IGHMBP2: variants seen among roughly 807,000 people sequenced by gnomAD.
The protein encoded by IGHMBP2 is DNA-binding protein SMUBP-2.
A neutral mutation model predicts 96.0 loss-of-function variants in IGHMBP2; 81 were observed. The observed-to-expected ratio is 0.84, with a 90% CI of 0.71 to 1.01. The LOEUF (loss-of-function observed/expected upper bound fraction) is 1.01, where lower values mean the gene tolerates loss of function less well. Ranked by LOEUF, IGHMBP2 falls within the 50% of genes least tolerant of loss-of-function variation. The probability of loss-of-function intolerance (pLI) is 0.00; values close to 1 mark genes in which losing one functional copy is unlikely to be tolerated. For synonymous variants in IGHMBP2, 557 were observed against 548.9 expected (o/e 1.01, Z -0.21); for missense variants, 1,227 against 1,306.3 (o/e 0.94, Z 0.94).
At position 68,933,468 on chromosome 11, in the gene IGHMBP2, A is replaced by T; in HGVS notation, c.1405A>T (p.Arg469Trp). ...GQLTAHSSVA[R>W]HLLRDLPGVA... ...GCTCACAGCCCACTCTTCCGTGGCA[A>T]GGCACCTCCTGAGGTGAGTAGCTCG... Residue 469 changes from arginine (R) to tryptophan (W), a missense_variant, in exon 9 of 15, where the codon AGG (arginine) becomes TGG (tryptophan). Transcript: ENST00000255078. 1.2e-6 allele frequency: 2 copies of T among 1,612,490 alleles called. No homozygotes were observed. Among genetic ancestry groups the T allele is most frequent in the Non-Finnish European group, 8.5e-7 (1 of 1,179,640 alleles).
chr11:68,908,026 T>C (rs1858271815), intron 2 of IGHMBP2, 119 bp from the exon 3 acceptor site: 1 of 908,232 alleles, frequency 1.1e-6, no homozygotes. Flanking sequence ...CTGTTACTGA[T>C]TGCATTTACT....
At chr11:68,930,333 C>T in intron 8 of IGHMBP2, 3 of 1,289,824 alleles carry the variant, frequency 2.3e-6, no homozygotes, top group Non-Finnish European at 3.0e-6. Context: ...AAGCTATGAA[C>T]TCGGAACTTT....
Position 68,914,935 on chromosome 11 carries a change from T to C in IGHMBP2, c.824T>C (p.Ile275Thr). The C allele has an allele frequency of 6.2e-7, 1 of 1,614,102 alleles. No homozygotes were observed. The change falls in exon 6 of 15, where the codon ATT becomes ACT. Residue 275 changes from isoleucine (I) to threonine (T), a missense_variant. Physicochemically the swap from Ile to Thr is moderately conservative, Grantham distance 89. Coordinates refer to ENST00000255078, the MANE Select transcript of IGHMBP2 (RefSeq NM_002180.3). ...LGHPARLLESIQQHSLDAVLA... is the reference protein window; with the variant it reads ...LGHPARLLESTQQHSLDAVLA... ...CACCCTGCCCGCCTCCTGGAGTCCATTCAGCAGCACTCCCTGGATGCGGTT... is the reference window on the plus strand; with the variant it reads ...CACCCTGCCCGCCTCCTGGAGTCCACTCAGCAGCACTCCCTGGATGCGGTT...
chr11:68,906,791 C>T (rs543561601), intron 2 of IGHMBP2, among the ~76,000 whole-genome samples: 6 of 151,834 alleles, frequency 4.0e-5, no homozygotes, highest in South Asian at 4.2e-4. Context: ...TAGAGGCATG[C>T]GCCACCGTGC....
intron 13 of IGHMBP2, chr11:68,937,897 G>C: frequency 6.3e-6 from 3 of 477,464 alleles, no homozygotes; most frequent in South Asian, 6.2e-5. Flanking sequence ...GGACAGGACT[G>C]ATGCCACCCC....
At chr11:68,934,031 G>A (rs553883929) in intron 10 of IGHMBP2, 118 bp downstream of exon 10, 29 of 780,296 alleles carry the variant, frequency 3.7e-5, no homozygotes, top group East Asian at 1.3e-4. Flanking sequence ...GTTGATGGCC[G>A]TGAAAAAACG....
intron 4 of IGHMBP2, among the ~76,000 whole-genome samples, chr11:68,908,904 G>C (rs185327554): frequency 6.7e-6 from 1 of 149,932 alleles, no homozygotes; most frequent in Non-Finnish European, 1.5e-5. Context: ...GCAGTGGCGC[G>C]ATCTCAGCTC....
At chr11:68,922,754 GT>G (rs1858926813) in intron 7 of IGHMBP2, among the ~76,000 whole-genome samples, 1 of 152,166 alleles carries the variant, frequency 6.6e-6, no homozygotes, top group African/African-American at 2.4e-5. Context: ...AAATGTTTAA[GT>G]GTACTATATA....
At chr11:68,917,981 T>C in intron 7 of IGHMBP2, 98 bp downstream of exon 7, 1 of 1,381,178 alleles carries the variant, frequency 7.2e-7, no homozygotes, top group Non-Finnish European at 1.0e-6. Flanking sequence ...AGAATTGGTA[T>C]TTCTTTCTTA....
At chr11:68,907,825 G>A (rs918490747) in intron 2 of IGHMBP2, among the ~76,000 whole-genome samples, 2 of 151,942 alleles carry the variant, frequency 1.3e-5, no homozygotes, top group Non-Finnish European at 2.9e-5. Flanking sequence ...GAGTAGCTGG[G>A]ACCACAGGTG....
chr11:68,926,790 G>A (rs1256549922), intron 7 of IGHMBP2, among the ~76,000 whole-genome samples: 1 of 151,998 alleles, frequency 6.6e-6, no homozygotes, highest in Admixed American at 6.6e-5. Flanking sequence ...TTTGGAGATG[G>A]AGTCTCACTC....
At chr11:68,939,158 A>G (rs1013683494) in intron 14 of IGHMBP2, among the ~76,000 whole-genome samples, 2 of 152,070 alleles carry the variant, frequency 1.3e-5, no homozygotes, top group Non-Finnish European at 2.9e-5. Context: ...AGCTGCCTGG[A>G]GGAGTCAGGC....
intron 7 of IGHMBP2, among the ~76,000 whole-genome samples, chr11:68,924,948 G>C (rs7119912): frequency 0.26 from 39,584 of 151,964 alleles, 5,688 homozygotes; most frequent in Admixed American, 0.41. Flanking sequence ...AACATTATGA[G>C]ATTTTTGTCT....
At chr11:68,930,250 C>A in intron 8 of IGHMBP2, 1 of 1,275,348 alleles carries the variant, frequency 7.8e-7, no homozygotes, top group Non-Finnish European at 1.0e-6. Flanking sequence ...CTCACTTCCA[C>A]CGGGGGAAGA....
At chr11:68,933,748 G>T in intron 9 of IGHMBP2, 47 bp from the exon 10 acceptor site, 1 of 1,458,856 alleles carries the variant, frequency 6.9e-7, no homozygotes. Context: ...GGGCCTCAGT[G>T]CTGCACTGTG....
intron 12 of IGHMBP2, among the ~76,000 whole-genome samples, chr11:68,935,690 G>A (rs990654650): frequency 2.0e-5 from 3 of 152,212 alleles, no homozygotes; most frequent in African/African-American, 7.2e-5. Context: ...ACATCCTGCC[G>A]AGGAGGTGAA....
chr11:68,935,982 C>T (rs1300489267), intron 12 of IGHMBP2, among the ~76,000 whole-genome samples: 1 of 152,202 alleles, frequency 6.6e-6, no homozygotes, highest in East Asian at 1.9e-4. Context: ...CCAGGCGGCC[C>T]CTGAGGCTGG....
At position 68,911,510 on chromosome 11, in the gene IGHMBP2, G is replaced by T; in HGVS notation, c.618G>T (p.Gln206His). ...QKEAVLFALS[Q>H]KELAIIHGPP... is the part of the protein sequence containing the mutation. ...AAGCGGTTTTATTTGCGCTGTCTCA[G>T]AAAGAACTTGCCATCATCCATGGAC... Residue 206 changes from glutamine (Q) to histidine (H), a missense_variant, in exon 5 of 15, where the codon CAG becomes CAT. Physicochemically the swap from Gln to His is conservative, Grantham distance 24 (BLOSUM62 0). This residue lies in a region of IGHMBP2 where 507 missense variants were observed against 496.9 expected (regional missense o/e 1.02). Coordinates refer to ENST00000255078, the MANE Select transcript of IGHMBP2 (RefSeq NM_002180.3). 6.2e-7 allele frequency: 1 copy of T among 1,614,156 alleles called. No homozygotes were observed. The highest frequency in any genetic ancestry group is 8.5e-7 in the Non-Finnish European group (1 of 1,180,012).
chr11:68,936,792 G>T lies in IGHMBP2; in HGVS notation c.2312G>T (p.Ser771Ile), dbSNP rs1317637789. Residue 771 changes from serine (S) to isoleucine (I), a missense_variant, in exon 13 of 15, where the codon AGT becomes ATT. Physicochemically the swap from Ser to Ile is moderately radical, Grantham distance 142 (BLOSUM62 -2). Transcript: ENST00000255078. ...IAEEHGLRHD[S>I]SGEGKRRFIT... ...GAGGAGCACGGGCTGAGGCACGACA[G>T]TTCCGGGGAAGGGAAGAGGAGGTTC... 2 of 1,613,964 alleles carry T rather than the reference G, an allele frequency of 1.2e-6. No homozygotes were observed. Among genetic ancestry groups the T allele is most frequent in the Non-Finnish European group, 1.7e-6 (2 of 1,180,054 alleles).
Sources: allele counts gnomAD v4.1 joint callset (sites outside exome capture counted in the v4.1 genomes callset), GRCh38; gene constraint gnomAD v4.1.1; regional missense constraint gnomAD v4.1.1; transcripts MANE v1.5; gene names NCBI Gene and HGNC (gene_info 2026-07-23, HGNC 2026-07-21).